Variants in HECW2 observed in about 807,000 individuals in gnomAD.
HECW2 encodes HECT, C2 and WW domain containing E3 ubiquitin protein ligase 2, also known as E3 ubiquitin-protein ligase HECW2.
HECW2 carries 61 observed loss-of-function variants against 175.2 expected under a neutral mutation model. The ratio of observed to expected loss-of-function variants is 0.35; its 90% CI spans 0.28 to 0.43. The LOEUF is 0.43. Among genes scored for constraint, HECW2 ranks in the 20% least tolerant of loss-of-function variants. The pLI is 1.00. For synonymous variants in HECW2, 671 were observed against 731.0 expected (o/e 0.92, Z 1.32); for missense variants, 1,524 against 2,000.5 (o/e 0.76, Z 4.54).
intron 4 of HECW2, among the ~76,000 whole-genome samples, chr2:196,330,702 G>A (rs73051605): frequency 0.019 from 2,914 of 152,062 alleles, 109 homozygotes; most frequent in African/African-American, 0.067. Flanking sequence ...CTCTGGCCCC[G>A]CCATCAGCAA....
chr2:196,413,490 C>T (rs1223314586), intron 2 of HECW2, among the ~76,000 whole-genome samples: 1 of 152,074 alleles, frequency 6.6e-6, no homozygotes, highest in Admixed American at 6.5e-5. Flanking sequence ...GGATTACAGG[C>T]ACGCACCACC....
chr2:196,379,352 C>T (rs760380847), intron 2 of HECW2, among the ~76,000 whole-genome samples: 2 of 152,018 alleles, frequency 1.3e-5, no homozygotes, highest in Non-Finnish European at 2.9e-5. Context: ...TTATACAGGT[C>T]TACACATACG....
intron 1 of HECW2, among the ~76,000 whole-genome samples, chr2:196,479,088 AAAG>A (rs1185593448): frequency 2.6e-5 from 4 of 152,326 alleles, no homozygotes; most frequent in African/African-American, 9.6e-5. Context: ...TGTAATGGAT[AAAG>A]AAGAAGTGGT....
At chr2:196,519,520 A>G (rs1434455382) in intron 1 of HECW2, among the ~76,000 whole-genome samples, 1 of 152,244 alleles carries the variant, frequency 6.6e-6, no homozygotes, top group South Asian at 2.1e-4. Flanking sequence ...GAAACTGCTT[A>G]AATAAAAGTA....
intron 14 of HECW2, 146 bp from the exon 15 acceptor site, chr2:196,278,808 C>T (rs1690076621): frequency 1.2e-6 from 1 of 859,398 alleles, no homozygotes; most frequent in African/African-American, 1.7e-5. Context: ...GAAATTTCTC[C>T]TTACCCACAC....
intron 2 of HECW2, among the ~76,000 whole-genome samples, chr2:196,421,580 T>C (rs1461285135): frequency 6.6e-6 from 1 of 152,222 alleles, no homozygotes; most frequent in East Asian, 1.9e-4. Context: ...AGTAAGGAAT[T>C]ATTTTGTGGG....
rs146287526 is a variant in HECW2, at chr2:196,463,225, T to C, written c.-35-29767A>G. ...AAGCAGCAGTAATTATTGTAACAGGTGATTGCATTATCAATTGTAACTGTT... is the reference window on the plus strand; with the variant it reads ...AAGCAGCAGTAATTATTGTAACAGGCGATTGCATTATCAATTGTAACTGTT... On this transcript the variant is annotated intron_variant, in intron 1 of 28. Coordinates refer to ENST00000644978, the MANE Select transcript of HECW2 (RefSeq NM_001348768.2). Among the ~76,000 whole-genome samples, 122 of 151,952 alleles carry C rather than the reference T, an allele frequency of 8.0e-4. 1 individual carries two copies. Among genetic ancestry groups the C allele is most frequent in the Admixed American group, 2.1e-3 (32 of 15,274 alleles).
At chr2:196,320,489 T>A (rs948930691) in intron 7 of HECW2, 50 bp from the exon 8 acceptor site, 1 of 1,219,960 alleles carries the variant, frequency 8.2e-7, no homozygotes, top group South Asian at 1.3e-5. Context: ...GGAGTCAGCC[T>A]TCGCCGTCTT....
intron 3 of HECW2, among the ~76,000 whole-genome samples, chr2:196,342,794 C>T (rs952629961): frequency 5.9e-5 from 9 of 151,952 alleles, no homozygotes; most frequent in African/African-American, 1.7e-4. Context: ...GTTATTCTGC[C>T]GCTGGCAAAA....
intron 1 of HECW2, among the ~76,000 whole-genome samples, chr2:196,593,306 G>T (rs557172862): frequency 2.8e-4 from 42 of 151,084 alleles, no homozygotes; most frequent in Non-Finnish European, 4.9e-4. Context: ...GCGCCTCCGG[G>T]AGGTTTGTGG....
Position 196,220,846 on chromosome 2 carries a change from A to G in HECW2, c.4242T>C (p.Ile1414=), listed in dbSNP as rs150787602. The G allele has an allele frequency of 1.3e-4, 208 of 1,613,904 alleles. No homozygotes were observed. In the African/African-American group the frequency reaches 2.6e-3, roughly 20 times the overall value. Residue 1414 remains isoleucine (I), a synonymous_variant, in exon 25 of 29, where the codon ATT becomes ATC. Transcript: ENST00000644978. ...EYIERMVKWR[I]ERGVVQQTES... ...CTGTTTGCTGTACAACACCCCTCTC[A>G]ATCCTCCACTTCACCATCCTCTCGA...
chr2:196,478,093 A>C (rs1457519068), intron 1 of HECW2, among the ~76,000 whole-genome samples: 1 of 151,538 alleles, frequency 6.6e-6, no homozygotes, highest in Non-Finnish European at 1.5e-5. Flanking sequence ...AAAAACAAAC[A>C]AAAAAAAACT....
At chr2:196,460,755 C>T (rs1390418362) in intron 1 of HECW2, among the ~76,000 whole-genome samples, 1 of 149,164 alleles carries the variant, frequency 6.7e-6, no homozygotes, top group African/African-American at 2.5e-5. Flanking sequence ...GGACTACAAG[C>T]ATGCATCACC....
chr2:196,454,390 T>G (rs1696440827), intron 1 of HECW2, among the ~76,000 whole-genome samples: 1 of 152,226 alleles, frequency 6.6e-6, no homozygotes, highest in Non-Finnish European at 1.5e-5. Flanking sequence ...GCCTTTTTAA[T>G]AGCTATTTAA....
intron 1 of HECW2, among the ~76,000 whole-genome samples, chr2:196,533,742 T>C (rs1688922323): frequency 6.6e-6 from 1 of 152,238 alleles, no homozygotes. Context: ...CTTATCTCAC[T>C]GTAAAACAGT....
At chr2:196,512,583 T>C (rs1687991561) in intron 1 of HECW2, among the ~76,000 whole-genome samples, 2 of 151,876 alleles carry the variant, frequency 1.3e-5, no homozygotes. Flanking sequence ...ATAGATGAGG[T>C]CTCACTATGT....
chr2:196,375,813 A>G (rs1694035858), intron 2 of HECW2, among the ~76,000 whole-genome samples: 1 of 152,252 alleles, frequency 6.6e-6, no homozygotes, highest in Non-Finnish European at 1.5e-5. Flanking sequence ...TTATTACTGT[A>G]TTGCAGTTAT....
intron 1 of HECW2, among the ~76,000 whole-genome samples, chr2:196,458,723 G>C (rs942671086): frequency 2.0e-5 from 3 of 152,076 alleles, no homozygotes; most frequent in Non-Finnish European, 4.4e-5. Flanking sequence ...AAAATTAGCT[G>C]GGCGTGGTGG....
chr2:196,411,400 C>A (rs1695106224), intron 2 of HECW2, among the ~76,000 whole-genome samples: 1 of 152,132 alleles, frequency 6.6e-6, no homozygotes, highest in South Asian at 2.1e-4. Flanking sequence ...TTATTTTCTG[C>A]TCAGAGGAAT....
Sources: gnomAD v4.1 joint callset for allele counts (sites outside exome capture counted in the v4.1 genomes callset) on GRCh38, gnomAD v4.1.1 for gene constraint, MANE v1.5 for transcripts, NCBI Gene and HGNC (gene_info 2026-07-23, HGNC 2026-07-21) for gene names.